The following RBFOX3 variants were observed in gnomAD, a reference collection of about 807,000 sequenced individuals.
RBFOX3 encodes RNA binding fox-1 homolog 3.
Under a neutral mutation model 48.7 loss-of-function variants are expected in RBFOX3, and 17 were observed. That is an observed-to-expected ratio of 0.35 (90% CI 0.24 to 0.52). The LOEUF is 0.52. RBFOX3 is among the 20% of genes least tolerant of loss of function. RBFOX3 has a pLI of 0.94. For synonymous variants in RBFOX3, 212 were observed against 209.5 expected (o/e 1.01, Z -0.10); for missense variants, 382 against 497.5 (o/e 0.77, Z 2.21).
At chr17:79,617,926 C>T in the RBFOX3 span, among the ~76,000 whole-genome samples, 10 of 152,314 alleles carry the variant, frequency 6.6e-5, no homozygotes, top group South Asian at 2.1e-4. Flanking sequence ...GAGCAGCAAG[C>T]GCATCTGCGA....
rs545923886 is a variant in RBFOX3, at chr17:79,214,742, CG to C, written c.-34+21023del. Among the ~76,000 whole-genome samples, 268 of 152,068 alleles carry C rather than the reference CG, an allele frequency of 1.8e-3. No homozygotes were observed. The highest frequency in any genetic ancestry group is 6.2e-3 in the African/African-American group (257 of 41,500). On this transcript the variant is annotated intron_variant, in intron 4 of 14. Coordinates refer to ENST00000693108, the MANE Select transcript of RBFOX3 (RefSeq NM_001350451.2). This position sits in a 1 kb window ranked among gnomAD's most constrained non-coding sequence, Gnocchi z 4.7. ...GGCCCAGGGGCCCCCAGCTACTAGA[CG>C]GCCCTAGGAAACAGACACTAAATCC... is the stretch of plus-strand genomic sequence containing the variant.
Position 79,477,284 on chromosome 17 carries a change from C to T in RBFOX3, c.-175+5170G>A, listed in dbSNP as rs754010154. ...AAAAAAAAAAAAAAAAAAGAGGGCG[C>T]GGTGGCTCACACCTGTAATCCCAGC... On this transcript the variant is annotated intron_variant, in intron 2 of 14. Coordinates refer to ENST00000693108, the MANE Select transcript of RBFOX3 (RefSeq NM_001350451.2). The surrounding 1 kb of genome is among the most constrained non-coding windows in gnomAD (Gnocchi z 4.8). Among the ~76,000 whole-genome samples, 226 of 140,372 alleles carry T rather than the reference C, an allele frequency of 1.6e-3. 3 individuals are homozygous for T. The highest frequency in any genetic ancestry group is 0.012 in the East Asian group (56 of 4,720). 92.1% of individuals were successfully genotyped at this position (140,372 alleles called of 152,430 possible). A position where few individuals can be genotyped will look rare whatever the true frequency, so the allele number is the denominator to read the frequency against.
chr17:79,108,933 C>T (rs2077962605), intron 5 of RBFOX3, among the ~76,000 whole-genome samples: 1 of 152,264 alleles, frequency 6.6e-6, no homozygotes, highest in Non-Finnish European at 1.5e-5. Flanking sequence ...GTCCACGTTC[C>T]TGATGCAGCT....
At chr17:79,643,748 A>T in the RBFOX3 span, among the ~76,000 whole-genome samples, 1 of 152,226 alleles carries the variant, frequency 6.6e-6, no homozygotes, top group Non-Finnish European at 1.5e-5. Flanking sequence ...ACTGAACAGT[A>T]ATGAAGAAAC....
the RBFOX3 span, among the ~76,000 whole-genome samples, chr17:79,648,623 C>A: frequency 2.0e-5 from 3 of 152,202 alleles, no homozygotes; most frequent in Non-Finnish European, 2.9e-5. Context: ...CTCGTTGGGG[C>A]CGATGGGGGC....
chr17:79,630,410 C>T, the RBFOX3 span, among the ~76,000 whole-genome samples: 1 of 152,080 alleles, frequency 6.6e-6, no homozygotes, highest in Non-Finnish European at 1.5e-5. Context: ...CAGATGCAAA[C>T]GTGTTGCATA....
chr17:79,255,679 AGCAGCAGCACTGGGCCTG>A (rs1284391948), intron 3 of RBFOX3, among the ~76,000 whole-genome samples: 10 of 152,056 alleles, frequency 6.6e-5, no homozygotes, highest in East Asian at 5.9e-4. Context: ...GCCGGTGCTC[AGCAGCAGCACTGGGCCTG>A]GCCTCCCAGT....
chr17:79,287,420 G>T (rs982847738), intron 3 of RBFOX3, among the ~76,000 whole-genome samples: 6 of 152,178 alleles, frequency 3.9e-5, no homozygotes, highest in Non-Finnish European at 7.3e-5. Context: ...TGCATTGAGT[G>T]GGGGGTAGAG....
At position 79,090,526 on chromosome 17, in the gene RBFOX3, G is replaced by T. The variant is rs989141520; in HGVS notation, c.*357C>A. ...GTCTGTCTTGGGAGTTGGGGGCTGGGAAAGGAAGACTGGATGGAAAACAGA... is the reference window on the plus strand; with the variant it reads ...GTCTGTCTTGGGAGTTGGGGGCTGGTAAAGGAAGACTGGATGGAAAACAGA... On this transcript the variant is annotated 3_prime_UTR_variant, in exon 15 of 15. Transcript: ENST00000693108. The T allele has an allele frequency of 1.4e-4, 42 of 290,624 alleles. No individual in the cohort carries two copies. The highest frequency in any genetic ancestry group is 2.6e-4 in the Non-Finnish European group (41 of 155,840). 18.0% of individuals were successfully genotyped at this position (290,624 alleles called of 1,614,324 possible).
rs58684385 is a variant in RBFOX3, at chr17:79,177,209, T to TCC, written c.-34+58555_-34+58556dup. On this transcript the variant is annotated intron_variant, in intron 4 of 14. Transcript: ENST00000693108. ...CAAGGCCACCACTGGCCTCCTCCTC[T>TCC]CCCCCCCCGCCCTCTCCCCAGCCTT... Among the ~76,000 whole-genome samples, 1,289 of 149,762 alleles carry TCC rather than the reference T, an allele frequency of 8.6e-3. 16 individuals carry two copies. The highest frequency in any genetic ancestry group is 0.03 in the African/African-American group (1,210 of 40,744).
the RBFOX3 span, among the ~76,000 whole-genome samples, chr17:79,656,798 GAAAGAAAGA>G: frequency 0.4 from 1,848 of 4,626 alleles, 103 homozygotes; most frequent in African/African-American, 0.45. Flanking sequence ...AAGAAAGAAA[GAAAGAAAGA>G]AAAGAAAGAG....
At chr17:79,496,697 G>A (rs2081586972) in intron 1 of RBFOX3, among the ~76,000 whole-genome samples, 1 of 152,140 alleles carries the variant, frequency 6.6e-6, no homozygotes, top group Non-Finnish European at 1.5e-5. Context: ...CTGGCAGGAT[G>A]TGTCATTAGA....
At position 79,120,461 on chromosome 17, in the gene RBFOX3, G is replaced by A. The variant is rs971671833; in HGVS notation, c.-33-4713C>T. On this transcript the variant is annotated intron_variant, in intron 4 of 14. Transcript: ENST00000693108. ...TCAGAAGGTGGGTAGATGGATGAGT[G>A]AATGGATGGATGGAAGGGTGGATAA... is the stretch of plus-strand genomic sequence containing the variant. Among the ~76,000 whole-genome samples the A allele has an allele frequency of 3.3e-5, 5 of 151,590 alleles. No individual in the cohort carries two copies. In the East Asian group the frequency reaches 7.8e-4, roughly 24 times the overall value.
chr17:79,538,117 T>G (rs1555789228), intron 1 of RBFOX3, among the ~76,000 whole-genome samples: 1 of 152,212 alleles, frequency 6.6e-6, no homozygotes, highest in African/African-American at 2.4e-5. Flanking sequence ...CTTCTGCTAT[T>G]CAGCTATTTT....
intron 1 of RBFOX3, among the ~76,000 whole-genome samples, chr17:79,548,430 T>C (rs2090757414): frequency 6.6e-6 from 1 of 152,150 alleles, no homozygotes; most frequent in Admixed American, 6.5e-5. Context: ...GCAGCCCCCA[T>C]CTTCTCCAAA....
At chr17:79,575,337 G>A (rs2092822909) in intron 1 of RBFOX3, among the ~76,000 whole-genome samples, 1 of 152,178 alleles carries the variant, frequency 6.6e-6, no homozygotes, top group South Asian at 2.1e-4. Context: ...GCAGAGTGAG[G>A]GAGACAAAGG....
chr17:79,133,187 C>A (rs1425561471), intron 4 of RBFOX3, among the ~76,000 whole-genome samples: 3 of 152,158 alleles, frequency 2.0e-5, no homozygotes, highest in South Asian at 4.1e-4. Flanking sequence ...GTTCTGAGAT[C>A]CCGGTAAGTT....
At chr17:79,465,578 CAA>C (rs34170241) in intron 2 of RBFOX3, among the ~76,000 whole-genome samples, 17 of 134,616 alleles carry the variant, frequency 1.3e-4, no homozygotes, top group African/African-American at 2.3e-4. Context: ...CACACATGCA[CAA>C]AAAAAAAAAA....
At position 79,252,864 on chromosome 17, in the gene RBFOX3, G is replaced by A. The variant is rs1246886638; in HGVS notation, c.-73-17059C>T. ...CTCCAATGAGACAGGAGGGCAGGGA[G>A]CTGAAAAATCTCAAATCTGCCAACC... On this transcript the variant is annotated intron_variant, in intron 3 of 14. Coordinates refer to ENST00000693108, the MANE Select transcript of RBFOX3 (RefSeq NM_001350451.2). This position sits in a 1 kb window ranked among gnomAD's most constrained non-coding sequence, Gnocchi z 4.0. Among the ~76,000 whole-genome samples the A allele has an allele frequency of 2.0e-5, 3 of 152,144 alleles. No homozygotes were observed. Among genetic ancestry groups the A allele is most frequent in the African/African-American group, 7.2e-5 (3 of 41,424 alleles).
Sources: allele counts gnomAD v4.1 joint callset (sites outside exome capture counted in the v4.1 genomes callset), GRCh38; gene constraint gnomAD v4.1.1; non-coding constraint Gnocchi (gnomAD v3.1); transcripts MANE v1.5; gene names NCBI Gene and HGNC (gene_info 2026-07-23, HGNC 2026-07-21).